PDE4D: variants seen among roughly 807,000 people sequenced by gnomAD.
The protein encoded by PDE4D is phosphodiesterase 4D.
In PDE4D, 24 loss-of-function variants were observed where a neutral mutation model predicts 87.4. That is an observed-to-expected ratio of 0.27 (90% CI 0.20 to 0.39). The LOEUF (loss-of-function observed/expected upper bound fraction) is 0.39. PDE4D is among the 10% of genes least tolerant of loss of function. PDE4D has a pLI of 1.00. For synonymous variants in PDE4D, 384 were observed against 383.2 expected (o/e 1.00, Z -0.02); for missense variants, 714 against 1,041.0 (o/e 0.69, Z 4.32).
intron 2 of PDE4D, among the ~76,000 whole-genome samples, chr5:60,049,006 T>A (rs1389619313): frequency 6.6e-6 from 1 of 152,222 alleles, no homozygotes; most frequent in Non-Finnish European, 1.5e-5. Context: ...GGTACACCAA[T>A]CAGACATAGA....
chr5:59,474,932 C>A (rs1475844207), intron 1 of PDE4D, among the ~76,000 whole-genome samples: 1 of 151,574 alleles, frequency 6.6e-6, no homozygotes, highest in Non-Finnish European at 1.5e-5. Context: ...TTTTTTTCCC[C>A]CTAAAAAGGT....
At chr5:59,035,403 A>G (rs1758323787) in intron 6 of PDE4D, among the ~76,000 whole-genome samples, 2 of 152,212 alleles carry the variant, frequency 1.3e-5, no homozygotes, top group Non-Finnish European at 2.9e-5. Flanking sequence ...TGATACAGAA[A>G]TGTGCGCTAT....
chr5:60,420,632 G>A (rs1357420722), intron 1 of PDE4D, among the ~76,000 whole-genome samples: 2 of 152,166 alleles, frequency 1.3e-5, no homozygotes, highest in African/African-American at 2.4e-5. Context: ...CAGCGTCATC[G>A]ATGCAGAAGA....
At chr5:59,599,736 T>A (rs1827231299) in intron 1 of PDE4D, among the ~76,000 whole-genome samples, 1 of 152,042 alleles carries the variant, frequency 6.6e-6, no homozygotes, top group Admixed American at 6.6e-5. Context: ...CACCACAGAG[T>A]CTCTGTGTGC....
chr5:59,149,749 C>T (rs1033164061), intron 5 of PDE4D, among the ~76,000 whole-genome samples: 1 of 114,954 alleles, frequency 8.7e-6, no homozygotes, highest in African/African-American at 3.4e-5. Context: ...AGATTTGGTA[C>T]CAAGAGTGAC....
At chr5:59,313,546 A>G (rs1773102183) in intron 1 of PDE4D, among the ~76,000 whole-genome samples, 1 of 152,162 alleles carries the variant, frequency 6.6e-6, no homozygotes, top group African/African-American at 2.4e-5. Flanking sequence ...ACCAAGCTAT[A>G]TCTTGAGTGG....
At chr5:59,083,153 GTTC>G (rs962202724) in intron 5 of PDE4D, among the ~76,000 whole-genome samples, 46 of 152,104 alleles carry the variant, frequency 3.0e-4, no homozygotes, top group African/African-American at 1.1e-3. Flanking sequence ...TTGGGTTCTA[GTTC>G]TTCTTCCTGA....
chr5:59,362,278 C>T (rs1782340495), intron 1 of PDE4D, among the ~76,000 whole-genome samples: 1 of 152,082 alleles, frequency 6.6e-6, no homozygotes, highest in African/African-American at 2.4e-5. Flanking sequence ...CTAAAAATTG[C>T]CAATTGGTTA....
intron 1 of PDE4D, among the ~76,000 whole-genome samples, chr5:60,336,719 A>G (rs1445752119): frequency 1.3e-5 from 2 of 152,154 alleles, no homozygotes; most frequent in African/African-American, 4.8e-5. Flanking sequence ...GATAGGATCC[A>G]TGGTCTCTTC....
At chr5:59,685,112 T>C (rs886820002) in intron 1 of PDE4D, among the ~76,000 whole-genome samples, 1 of 152,222 alleles carries the variant, frequency 6.6e-6, no homozygotes, top group African/African-American at 2.4e-5. Flanking sequence ...AATTGGGACT[T>C]TGTTACTGAG....
chr5:59,647,948 T>C (rs298022), intron 1 of PDE4D, among the ~76,000 whole-genome samples: 53,113 of 151,938 alleles, frequency 0.35, 10,388 homozygotes, highest in East Asian at 0.74. Context: ...TACACTGTAA[T>C]AGAAATATGA....
chr5:59,324,044 A>C (rs1775194282), intron 1 of PDE4D, among the ~76,000 whole-genome samples: 1 of 151,986 alleles, frequency 6.6e-6, no homozygotes, highest in Admixed American at 6.6e-5. Context: ...TACTGTGTCT[A>C]CCTGATACCC....
At chr5:59,756,066 CA>C (rs1247576325) in intron 1 of PDE4D, among the ~76,000 whole-genome samples, 1 of 151,554 alleles carries the variant, frequency 6.6e-6, no homozygotes, top group Non-Finnish European at 1.5e-5. Context: ...TAAACCCCTT[CA>C]AAAAGGTTTT....
At chr5:59,108,724 T>A (rs982561482) in intron 5 of PDE4D, among the ~76,000 whole-genome samples, 1 of 151,796 alleles carries the variant, frequency 6.6e-6, no homozygotes, top group Non-Finnish European at 1.5e-5. Flanking sequence ...CAAAACCCCA[T>A]CTCTACTAAA....
intron 5 of PDE4D, among the ~76,000 whole-genome samples, chr5:59,127,368 T>C (rs998298073): frequency 3.0e-4 from 46 of 152,162 alleles, no homozygotes; most frequent in Middle Eastern, 3.2e-3. Flanking sequence ...GGTGGCACAG[T>C]TTGTTTTATG....
intron 1 of PDE4D, among the ~76,000 whole-genome samples, chr5:59,660,598 T>G (rs1045397596): frequency 1.3e-5 from 2 of 152,160 alleles, no homozygotes; most frequent in African/African-American, 4.8e-5. Flanking sequence ...TCTGACTACA[T>G]TCATATAAGG....
chr5:59,050,255 G>A (rs1468133656), intron 5 of PDE4D, among the ~76,000 whole-genome samples: 5 of 152,014 alleles, frequency 3.3e-5, no homozygotes, highest in Admixed American at 2.0e-4. Flanking sequence ...CAATAAGAGC[G>A]AAACTCTGTC....
At chr5:59,533,071 G>A (rs1814519058) in intron 1 of PDE4D, among the ~76,000 whole-genome samples, 1 of 152,100 alleles carries the variant, frequency 6.6e-6, no homozygotes, top group Non-Finnish European at 1.5e-5. Flanking sequence ...ATTTCCTTAA[G>A]GTAGGACTAG....
intron 3 of PDE4D, among the ~76,000 whole-genome samples, chr5:59,966,036 C>T (rs1356396692): frequency 1.3e-5 from 2 of 152,190 alleles, no homozygotes; most frequent in Non-Finnish European, 2.9e-5. Flanking sequence ...TCAGCCCTTT[C>T]CATTGCCTCA....
Sources: gnomAD v4.1 joint callset for allele counts (sites outside exome capture counted in the v4.1 genomes callset) on GRCh38, gnomAD v4.1.1 for gene constraint, MANE v1.5 for transcripts, NCBI Gene and HGNC (gene_info 2026-07-23, HGNC 2026-07-21) for gene names.